FMN1: variants seen among roughly 807,000 people sequenced by gnomAD.
FMN1 encodes formin-1.
Under a neutral mutation model 132.4 loss-of-function variants are expected in FMN1, and 110 were observed. The observed-to-expected ratio is 0.83, with a 90% CI of 0.71 to 0.97. The LOEUF (loss-of-function observed/expected upper bound fraction) is 0.97, where lower values mean the gene tolerates loss of function less well. Among genes scored for constraint, FMN1 ranks in the 50% least tolerant of loss-of-function variants. FMN1 has a pLI of 0.00. For missense variants in FMN1, 1,792 were observed against 1,705.3 expected (o/e 1.05, Z -0.90); for synonymous variants, 722 against 651.7 (o/e 1.11, Z -1.64).
chr15:33,171,105 T>C (rs1350864368), intron 3 of FMN1, among the ~76,000 whole-genome samples: 2 of 152,294 alleles, frequency 1.3e-5, no homozygotes, highest in African/African-American at 4.8e-5. Context: ...GGTCATTAAA[T>C]AAGCCAGGCA....
intron 15 of FMN1, among the ~76,000 whole-genome samples, chr15:32,890,119 TGAG>T (rs2059990912): frequency 6.6e-6 from 1 of 150,460 alleles, no homozygotes; most frequent in Non-Finnish European, 1.5e-5. Context: ...TTTTTATGGC[TGAG>T]TAGTATTCGA....
At chr15:33,124,325 G>A (rs956155178) in intron 4 of FMN1, among the ~76,000 whole-genome samples, 9 of 152,206 alleles carry the variant, frequency 5.9e-5, no homozygotes, top group African/African-American at 1.7e-4. Flanking sequence ...TCTGGTCAGC[G>A]TCTTGCTGTG....
chr15:32,872,360 G>C (rs2059536315), intron 16 of FMN1, among the ~76,000 whole-genome samples: 1 of 152,196 alleles, frequency 6.6e-6, no homozygotes, highest in Admixed American at 6.5e-5. Flanking sequence ...TATCATTAGT[G>C]CAAGACAATG....
chr15:33,128,920 T>TATTGGTCCATTTTACAGAGTGCTG (rs71424692), intron 4 of FMN1, among the ~76,000 whole-genome samples: 11,281 of 120,368 alleles, frequency 0.094, 4,023 homozygotes, highest in African/African-American at 0.32. Flanking sequence ...ATGCCCTGCT[T>TATTGGTCCATTTTACAGAGTGCTG]ATTGGTCCAT....
intron 19 of FMN1, among the ~76,000 whole-genome samples, chr15:32,797,947 G>C (rs1470570349): frequency 6.6e-6 from 1 of 152,092 alleles, no homozygotes; most frequent in African/African-American, 2.4e-5. Context: ...AAAGGTAGAT[G>C]CTATAATGAA....
intron 18 of FMN1, among the ~76,000 whole-genome samples, chr15:32,803,269 G>C (rs1674430434): frequency 6.6e-6 from 1 of 152,148 alleles, no homozygotes; most frequent in Admixed American, 6.6e-5. Context: ...AGTACTTTTA[G>C]AATTCGTACC....
intron 4 of FMN1, among the ~76,000 whole-genome samples, chr15:33,115,342 G>A (rs345759): frequency 0.3 from 45,726 of 151,960 alleles, 7,441 homozygotes; most frequent in East Asian, 0.65. Flanking sequence ...CAAATCAGAA[G>A]AAACATGTAC....
At chr15:33,034,694 C>T (rs2036108699) in intron 6 of FMN1, among the ~76,000 whole-genome samples, 1 of 151,990 alleles carries the variant, frequency 6.6e-6, no homozygotes, top group African/African-American at 2.4e-5. Flanking sequence ...TTACTACCTC[C>T]ATCACTACAA....
intron 8 of FMN1, among the ~76,000 whole-genome samples, chr15:32,964,960 A>G (rs1476192837): frequency 6.6e-6 from 1 of 152,172 alleles, no homozygotes; most frequent in Non-Finnish European, 1.5e-5. Flanking sequence ...GGGGCACCCT[A>G]GTTTTGAAGG....
At chr15:33,131,826 A>G (rs141410488) in intron 4 of FMN1, among the ~76,000 whole-genome samples, 2,405 of 152,330 alleles carry the variant, frequency 0.016, 39 homozygotes, top group Non-Finnish European at 0.025. Context: ...TGAGTGAAAC[A>G]TCTCTACCAT....
intron 9 of FMN1, among the ~76,000 whole-genome samples, chr15:32,942,951 C>G (rs777048546): frequency 3.3e-5 from 5 of 152,152 alleles, no homozygotes; most frequent in African/African-American, 4.8e-5. Flanking sequence ...TATGAGTAGA[C>G]ATTTACTTTC....
In FMN1 at chr15:33,026,410, T is replaced by TCACACACACACACACACACACACACACA. The variant is rs71113496; in HGVS notation, c.2162-18363_2162-18336dup. Among the ~76,000 whole-genome samples the TCACACACACACACACACACACACACACA allele has an allele frequency of 9.6e-4, 134 of 140,210 alleles. 1 individual carries two copies. Among genetic ancestry groups the TCACACACACACACACACACACACACACA allele is most frequent in the Middle Eastern group, 3.9e-3 (1 of 256 alleles). The allele number at this position is 140,210 out of a possible 152,430, so 92.0% of individuals were successfully genotyped here. ...AACATTAGAGGATACGTCCAAATTT[T>TCACACACACACACACACACACACACACA]CACACACACACACACACACACACAC... On this transcript the variant is annotated intron_variant, in intron 6 of 20. Coordinates refer to ENST00000616417, the MANE Select transcript of FMN1 (RefSeq NM_001277313.2).
intron 4 of FMN1, among the ~76,000 whole-genome samples, chr15:33,129,697 CAG>C (rs1229804778): frequency 2.6e-5 from 4 of 152,130 alleles, no homozygotes; most frequent in East Asian, 1.9e-4. Context: ...GATATGGACC[CAG>C]GGCTTTACTC....
chr15:33,034,827 C>T (rs7162923), intron 6 of FMN1, among the ~76,000 whole-genome samples: 73,871 of 151,966 alleles, frequency 0.49, 18,418 homozygotes, highest in Middle Eastern at 0.53. Flanking sequence ...CCTCAATCTC[C>T]AGTTCAACAA....
intron 3 of FMN1, among the ~76,000 whole-genome samples, chr15:33,169,008 T>A (rs1477147625): frequency 6.6e-6 from 1 of 152,212 alleles, no homozygotes; most frequent in Non-Finnish European, 1.5e-5. Context: ...ACAATTTCGA[T>A]ACTTTATACA....
intron 17 of FMN1, among the ~76,000 whole-genome samples, chr15:32,830,359 T>G (rs1395834020): frequency 1.1e-4 from 16 of 152,202 alleles, no homozygotes; most frequent in East Asian, 3.9e-4. Context: ...TTAGTTTGAT[T>G]GTTTTTCCCT....
chr15:33,154,230 A>G lies in FMN1; in HGVS notation c.685T>C (p.Ser229Pro). 1 of 1,536,180 alleles carries G rather than the reference A, an allele frequency of 6.5e-7. No homozygotes were observed. Among genetic ancestry groups the G allele is most frequent in the Non-Finnish European group, 8.7e-7 (1 of 1,146,938 alleles). The stretch of plus-strand genomic sequence containing the variant: ...GGGCAGCTCTCTCTCCTCTGCAGGG[A>G]GCAGGCAAGTGCCCCATTCGGGAGC... ...NLLPNGALACSLQRRESCPPD... is the reference protein window; with the variant it reads ...NLLPNGALACPLQRRESCPPD... Residue 229 changes from serine to proline, a missense_variant, in exon 4 of 21, where the codon TCC (serine) becomes CCC (proline). This residue lies in a region of FMN1 where 638 missense variants were observed against 645.2 expected (regional missense o/e 0.99). Coordinates refer to ENST00000616417, the MANE Select transcript of FMN1 (RefSeq NM_001277313.2).
At chr15:32,784,546 AC>A (rs60069549) in intron 19 of FMN1, among the ~76,000 whole-genome samples, 1,812 of 152,320 alleles carry the variant, frequency 0.012, 33 homozygotes, top group African/African-American at 0.041. Flanking sequence ...ATTTAAGAAG[AC>A]CAAGGGGATG....
At chr15:33,165,690 C>T (rs888164732) in intron 3 of FMN1, among the ~76,000 whole-genome samples, 2 of 152,224 alleles carry the variant, frequency 1.3e-5, no homozygotes, top group East Asian at 1.9e-4. Flanking sequence ...CGCACCTGGC[C>T]GGTTTTTCTT....
Sources: gnomAD v4.1 joint callset for allele counts (sites outside exome capture counted in the v4.1 genomes callset) on GRCh38, gnomAD v4.1.1 for gene constraint, gnomAD v4.1.1 regional missense constraint, MANE v1.5 for transcripts, NCBI Gene and HGNC (gene_info 2026-07-23, HGNC 2026-07-21) for gene names.